The following BCAS4 variants were observed in gnomAD, a reference collection of about 807,000 sequenced individuals.
BCAS4 encodes the protein breast carcinoma amplified sequence 4.
In BCAS4, 9 loss-of-function variants were observed where a neutral mutation model predicts 15.7. The ratio of observed to expected loss-of-function variants is 0.57; its 90% CI spans 0.34 to 1.00. The LOEUF (loss-of-function observed/expected upper bound fraction) is 1.00. Among genes scored for constraint, BCAS4 ranks in the 50% least tolerant of loss-of-function variants. BCAS4 has a pLI of 0.02. For synonymous variants in BCAS4, 101 were observed against 99.5 expected, an observed-to-expected ratio of 1.02 and a Z score of -0.09; for missense variants, 225 against 239.1, an observed-to-expected ratio of 0.94 and a Z score of 0.39.
intron 4 of BCAS4, among the ~76,000 whole-genome samples, chr20:50,845,711 C>T (rs1042312915): frequency 3.3e-5 from 5 of 152,224 alleles, no homozygotes; most frequent in African/African-American, 1.2e-4. Flanking sequence ...GGCCATGTGG[C>T]GCCCCTGGGC....
chr20:50,861,712 C>T (rs926007006), intron 4 of BCAS4, among the ~76,000 whole-genome samples: 16 of 152,264 alleles, frequency 1.1e-4, no homozygotes, highest in Admixed American at 5.2e-4. Context: ...CAGCCCCTTT[C>T]CCCAGCCTGG....
chr20:50,803,356 C>G (rs1039210569), intron 1 of BCAS4, among the ~76,000 whole-genome samples: 1 of 152,142 alleles, frequency 6.6e-6, no homozygotes, highest in African/African-American at 2.4e-5. Context: ...GTGCAAGGGG[C>G]ATGTGTGTGT....
intron 4 of BCAS4, among the ~76,000 whole-genome samples, chr20:50,868,204 C>T (rs1333651019): frequency 6.6e-6 from 1 of 152,144 alleles, no homozygotes; most frequent in Non-Finnish European, 1.5e-5. Flanking sequence ...GTCACCTGGC[C>T]GAAGTGACGT....
At chr20:50,822,433 GT>G in intron 2 of BCAS4, among the ~76,000 whole-genome samples, 1 of 152,252 alleles carries the variant, frequency 6.6e-6, no homozygotes. Flanking sequence ...ACTACAAATA[GT>G]TTCCATCTCC....
chr20:50,870,855 C>T (rs1423627575), intron 4 of BCAS4, among the ~76,000 whole-genome samples: 1 of 152,230 alleles, frequency 6.6e-6, no homozygotes, highest in Non-Finnish European at 1.5e-5. Flanking sequence ...CCAGGCCCTG[C>T]GCCCCAGCAC....
intron 1 of BCAS4, among the ~76,000 whole-genome samples, chr20:50,801,948 G>T (rs113710760): frequency 4.1e-4 from 62 of 152,180 alleles, no homozygotes; most frequent in African/African-American, 1.4e-3. Flanking sequence ...ACAGGGGTGT[G>T]GGGGGAGGTA....
At chr20:50,810,715 C>T (rs6096111) in intron 1 of BCAS4, among the ~76,000 whole-genome samples, 31,994 of 151,572 alleles carry the variant, frequency 0.21, 4,722 homozygotes, top group African/African-American at 0.42. Flanking sequence ...CGCAGCCTCC[C>T]GAGTAGCTGG....
rs71192504 is a variant in BCAS4 at position 50,872,263 on chromosome 20, C to CAAAAAAAA, written c.400-4209_400-4202dup. Reference sequence around the variant, plus strand: ...TGGGCAACAGAGCGAGACTCTGTCTCAAAAAAAAAAAAAAAAAAAAAGAGG... The same window carrying CAAAAAAAA: ...TGGGCAACAGAGCGAGACTCTGTCTCAAAAAAAAAAAAAAAAAAAAAAAAAAAAAGAGG... On this transcript the variant is annotated intron_variant, in intron 4 of 4. Transcript: ENST00000371608. Among the ~76,000 whole-genome samples the CAAAAAAAA allele has an allele frequency of 6.2e-4, 39 of 62,728 alleles. 1 individual carries two copies. Among genetic ancestry groups the CAAAAAAAA allele is most frequent in the African/African-American group, 1.9e-3 (23 of 12,098 alleles). 41.2% of individuals were successfully genotyped at this position (62,728 alleles called of 152,430 possible).
chr20:50,874,949 G>A (rs114900090), intron 4 of BCAS4, among the ~76,000 whole-genome samples: 3,914 of 152,222 alleles, frequency 0.026, 177 homozygotes, highest in African/African-American at 0.089. Flanking sequence ...GTTAGGGGGT[G>A]GTGAGAAGGT....
At chr20:50,822,511 CT>C (rs907573609) in intron 2 of BCAS4, among the ~76,000 whole-genome samples, 4 of 152,082 alleles carry the variant, frequency 2.6e-5, no homozygotes, top group African/African-American at 9.7e-5. Flanking sequence ...ATGGCTAGAT[CT>C]TAAAAACCAC....
intron 4 of BCAS4, among the ~76,000 whole-genome samples, chr20:50,857,034 C>T (rs971573743): frequency 1.3e-5 from 2 of 152,332 alleles, no homozygotes; most frequent in African/African-American, 2.4e-5. Flanking sequence ...TAACATTGTA[C>T]GTTTGTGCTG....
intron 4 of BCAS4, among the ~76,000 whole-genome samples, chr20:50,850,047 C>T (rs1388174526): frequency 2.0e-5 from 3 of 152,166 alleles, no homozygotes; most frequent in Non-Finnish European, 4.4e-5. Context: ...AGGCTGATGA[C>T]CTGTACCTCT....
intron 3 of BCAS4, among the ~76,000 whole-genome samples, chr20:50,833,627 GTGC>G (rs2088371272): frequency 6.6e-6 from 1 of 152,230 alleles, no homozygotes; most frequent in Non-Finnish European, 1.5e-5. Flanking sequence ...TCAAGTCCTA[GTGC>G]TGCTGCCTCC....
chr20:50,823,964 G>T (rs991341058), intron 2 of BCAS4, among the ~76,000 whole-genome samples: 10 of 152,078 alleles, frequency 6.6e-5, no homozygotes, highest in African/African-American at 2.4e-4. Context: ...GATCGTTGCT[G>T]AGCACAGTGC....
intron 1 of BCAS4, 113 bp from the exon 2 acceptor site, chr20:50,818,098 A>C (rs1206801037): frequency 2.1e-6 from 2 of 951,334 alleles, no homozygotes; most frequent in African/African-American, 3.3e-5. Flanking sequence ...GTCGAGCAGG[A>C]ACCGGGCACA....
At position 50,798,296 on chromosome 20, in the gene BCAS4, AAAAC is replaced by A. The variant is rs558457008; in HGVS notation, c.90+3139_90+3142del. Among the ~76,000 whole-genome samples the A allele has an allele frequency of 3.9e-5, 6 of 152,134 alleles. No individual in the cohort carries two copies. The East Asian group carries it at 5.9e-4, about 15-fold the overall frequency. ...GGGCAATAGAGTGAGACTCTGTCTC[AAAAC>A]AAACAAACAAACAAAAAAAACCCAA... On this transcript the variant is annotated intron_variant, in intron 1 of 4. Coordinates refer to ENST00000371608, the MANE Select transcript of BCAS4 (RefSeq NM_198799.4).
intron 4 of BCAS4, among the ~76,000 whole-genome samples, chr20:50,847,536 C>T (rs1368300973): frequency 1.3e-5 from 2 of 152,170 alleles, no homozygotes; most frequent in Non-Finnish European, 2.9e-5. Flanking sequence ...TCATAACATC[C>T]CACAAGGGAG....
intron 3 of BCAS4, among the ~76,000 whole-genome samples, chr20:50,839,023 G>C (rs1055822324): frequency 6.6e-6 from 1 of 152,162 alleles, no homozygotes; most frequent in Non-Finnish European, 1.5e-5. Context: ...GGTAGGGCTA[G>C]ATGGCAGGAG....
intron 3 of BCAS4, among the ~76,000 whole-genome samples, chr20:50,839,565 T>C (rs1342450203): frequency 6.6e-6 from 1 of 152,220 alleles, no homozygotes; most frequent in African/African-American, 2.4e-5. Context: ...TGCAGTGTCA[T>C]GATCTCAGCT....
Sources: allele counts gnomAD v4.1 joint callset (sites outside exome capture counted in the v4.1 genomes callset), GRCh38; gene constraint gnomAD v4.1.1; transcripts MANE v1.5; gene names NCBI Gene and HGNC (gene_info 2026-07-23, HGNC 2026-07-21).